Variants in DLG2 observed in about 807,000 individuals in gnomAD.
DLG2 encodes discs large MAGUK scaffold protein 2.
DLG2 carries 45 observed loss-of-function variants against 132.5 expected under a neutral mutation model. The ratio of observed to expected loss-of-function variants is 0.34; its 90% confidence interval spans 0.27 to 0.44. The LOEUF (loss-of-function observed/expected upper bound fraction) is 0.44, where lower values mean the gene tolerates loss of function less well. Ranked by LOEUF, DLG2 falls within the 20% of genes least tolerant of loss-of-function variation. The pLI is 1.00. For synonymous variants in DLG2, 424 were observed against 419.6 expected (o/e 1.01, Z -0.13); for missense variants, 1,045 against 1,196.9 (o/e 0.87, Z 1.87).
At chr11:83,825,753 T>C (rs1180675554) in intron 17 of DLG2, among the ~76,000 whole-genome samples, 1 of 152,120 alleles carries the variant, frequency 6.6e-6, no homozygotes, top group Non-Finnish European at 1.5e-5. Context: ...TGAAACACAC[T>C]TGTGTGTGGT....
intron 5 of DLG2, among the ~76,000 whole-genome samples, chr11:85,137,194 G>C (rs1255432417): frequency 6.6e-6 from 1 of 152,008 alleles, no homozygotes; most frequent in South Asian, 2.1e-4. Flanking sequence ...ACTGAAACTA[G>C]GTGCTTGCTA....
intron 6 of DLG2, among the ~76,000 whole-genome samples, chr11:84,977,944 T>C (rs1190522553): frequency 6.6e-6 from 1 of 152,178 alleles, no homozygotes; most frequent in East Asian, 1.9e-4. Flanking sequence ...TGGAGAATTA[T>C]GAAGTAACTG....
intron 7 of DLG2, among the ~76,000 whole-genome samples, chr11:84,339,955 C>T (rs2098506589): frequency 6.6e-6 from 1 of 152,088 alleles, no homozygotes; most frequent in African/African-American, 2.4e-5. Context: ...CATCTAAGAG[C>T]CACACTGGTT....
chr11:85,272,325 G>T (rs1186016115), intron 4 of DLG2, among the ~76,000 whole-genome samples: 1 of 152,174 alleles, frequency 6.6e-6, no homozygotes, highest in Admixed American at 6.5e-5. Context: ...CCCAGTCTCA[G>T]ATATGTCTTT....
At chr11:85,215,574 G>A (rs949872277) in intron 4 of DLG2, among the ~76,000 whole-genome samples, 1 of 152,084 alleles carries the variant, frequency 6.6e-6, no homozygotes, top group African/African-American at 2.4e-5. Context: ...TATAGGAGAC[G>A]ATTCTAGACT....
At chr11:84,776,565 C>T (rs534419098) in intron 6 of DLG2, among the ~76,000 whole-genome samples, 1 of 152,258 alleles carries the variant, frequency 6.6e-6, no homozygotes, top group South Asian at 2.1e-4. Context: ...AATTCATAGC[C>T]TCTCCCAATC....
At chr11:83,513,112 C>A (rs1274332273) in intron 21 of DLG2, among the ~76,000 whole-genome samples, 5 of 152,318 alleles carry the variant, frequency 3.3e-5, no homozygotes, top group African/African-American at 1.2e-4. Flanking sequence ...GCCACACTGT[C>A]TTTCCACAAT....
At chr11:84,350,178 C>CCA (rs1567366941) in intron 7 of DLG2, among the ~76,000 whole-genome samples, 1 of 143,234 alleles carries the variant, frequency 7.0e-6, no homozygotes, top group Non-Finnish European at 1.5e-5. Context: ...ACTTCGTCCC[C>CCA]CCCCCCAAAA....
chr11:85,158,499 C>T (rs1594927926), intron 4 of DLG2, among the ~76,000 whole-genome samples: 1 of 152,120 alleles, frequency 6.6e-6, no homozygotes, highest in East Asian at 1.9e-4. Flanking sequence ...GCTGGGAGGT[C>T]CAGACGATAC....
intron 4 of DLG2, among the ~76,000 whole-genome samples, chr11:85,166,503 C>T (rs1041503393): frequency 6.6e-6 from 1 of 152,086 alleles, no homozygotes; most frequent in Non-Finnish European, 1.5e-5. Flanking sequence ...ACTCCCTCCT[C>T]CACACAGCCT....
At chr11:84,127,169 G>A (rs1158653346) in intron 9 of DLG2, among the ~76,000 whole-genome samples, 2 of 152,150 alleles carry the variant, frequency 1.3e-5, no homozygotes, top group East Asian at 1.9e-4. Flanking sequence ...TGTGATACAC[G>A]TTAGAAGGTA....
intron 8 of DLG2, among the ~76,000 whole-genome samples, chr11:84,192,328 T>C (rs896123851): frequency 7.9e-5 from 12 of 152,232 alleles, no homozygotes; most frequent in Admixed American, 6.5e-4. Flanking sequence ...AAACATGTTC[T>C]GAGTAAAGTT....
chr11:84,646,203 C>T, intron 6 of DLG2, among the ~76,000 whole-genome samples: 1 of 152,126 alleles, frequency 6.6e-6, no homozygotes, highest in East Asian at 1.9e-4. Flanking sequence ...AATCTATGCA[C>T]ACAGTAGATG....
intron 7 of DLG2, among the ~76,000 whole-genome samples, chr11:84,527,049 AT>A (rs2099323263): frequency 6.6e-6 from 1 of 152,090 alleles, no homozygotes; most frequent in South Asian, 2.1e-4. Flanking sequence ...AAGTGCTGGG[AT>A]TACAGGCGTG....
chr11:85,354,861 A>C (rs889093648), intron 3 of DLG2, among the ~76,000 whole-genome samples: 3 of 152,050 alleles, frequency 2.0e-5, no homozygotes, highest in African/African-American at 7.2e-5. Flanking sequence ...CTTAGAACAG[A>C]GGAACAGAAG....
chr11:83,800,371 C>G (rs2044022829), intron 17 of DLG2, among the ~76,000 whole-genome samples: 1 of 152,136 alleles, frequency 6.6e-6, no homozygotes, highest in Non-Finnish European at 1.5e-5. Flanking sequence ...TTGAGACAAA[C>G]AGATCATTAT....
chr11:84,585,954 C>A (rs2099528669), intron 6 of DLG2, among the ~76,000 whole-genome samples: 2 of 152,148 alleles, frequency 1.3e-5, no homozygotes, highest in Non-Finnish European at 2.9e-5. Context: ...GAGTTTGAGA[C>A]CAGCCGGGCA....
intron 6 of DLG2, among the ~76,000 whole-genome samples, chr11:84,593,129 A>T (rs1447333095): frequency 6.6e-6 from 1 of 151,734 alleles, no homozygotes; most frequent in Admixed American, 6.6e-5. Context: ...CAAAAAAAAA[A>T]AAAAGTCAGG....
At chr11:83,803,798 C>G in intron 17 of DLG2, among the ~76,000 whole-genome samples, 1 of 152,060 alleles carries the variant, frequency 6.6e-6, no homozygotes, top group East Asian at 1.9e-4. Context: ...CCTCCAGAGA[C>G]ATATCTGTCA....
Sources: allele counts gnomAD v4.1 joint callset (sites outside exome capture counted in the v4.1 genomes callset), GRCh38; gene constraint gnomAD v4.1.1; transcripts MANE v1.5; gene names NCBI Gene and HGNC (gene_info 2026-07-23, HGNC 2026-07-21).